The following EXD2 variants were observed in gnomAD, a reference collection of about 807,000 sequenced individuals.
The protein encoded by EXD2 is exonuclease 3'-5' domain containing 2, also known as exonuclease 3'-5' domain-containing protein 2.
EXD2 carries 40 observed loss-of-function variants against 62.5 expected under a neutral mutation model. That is an observed-to-expected ratio of 0.64 (90% CI 0.50 to 0.83). EXD2 has a LOEUF of 0.83. Ranked by LOEUF, EXD2 falls within the 40% of genes least tolerant of loss-of-function variation. EXD2 has a pLI of 0.00. For synonymous variants in EXD2, 239 were observed against 291.9 expected (o/e 0.82, Z 1.85); for missense variants, 671 against 761.8 (o/e 0.88, Z 1.40).
intron 6 of EXD2, chr14:69,235,589 C>T: frequency 7.8e-6 from 2 of 255,300 alleles, no homozygotes; most frequent in Non-Finnish European, 7.6e-6. Context: ...GTCCCTGTAG[C>T]AAAGTGCCTT....
Position 69,237,593 on chromosome 14 carries a change from T to C in EXD2, c.1311T>C (p.His437=), listed in dbSNP as rs201830689. Reference sequence around the variant, plus strand: ...GTTCCAGGAAGAACGTGATTCCACATGAGTACCGGAAGCACTTCCCCATCG... The same window carrying C: ...GTTCCAGGAAGAACGTGATTCCACACGAGTACCGGAAGCACTTCCCCATCG... ...DSYIRKNVIP[H]EYRKHFPIEM... is the part of the protein sequence containing the mutation. Residue 437 remains histidine, a synonymous_variant, in exon 9 of 10, where the codon CAT becomes CAC. Transcript: ENST00000685843. 5.0e-6 allele frequency: 8 copies of C among 1,614,192 alleles called. No homozygotes were observed. The South Asian group carries it at 6.6e-5, about 13-fold the overall frequency.
At chr14:69,200,932 G>C (rs2042376291) in intron 1 of EXD2, among the ~76,000 whole-genome samples, 1 of 151,656 alleles carries the variant, frequency 6.6e-6, no homozygotes, top group South Asian at 2.1e-4. Flanking sequence ...AAATTAACCG[G>C]GTGTGGTGGC....
chr14:69,195,907 T>C (rs1195670784), intron 1 of EXD2: 1 of 152,214 alleles, frequency 6.6e-6, no homozygotes, highest in East Asian at 1.9e-4. Context: ...TGTAGGGCTG[T>C]GGTCAAAGTA....
chr14:69,194,149 T>G (rs1340315439), intron 1 of EXD2, among the ~76,000 whole-genome samples: 1 of 151,998 alleles, frequency 6.6e-6, no homozygotes, highest in African/African-American at 2.4e-5. Flanking sequence ...ATTCTTTTTT[T>G]TTTTTTTGAG....
chr14:69,234,355 A>G (rs1309757226), intron 5 of EXD2, among the ~76,000 whole-genome samples: 1 of 152,162 alleles, frequency 6.6e-6, no homozygotes, highest in African/African-American at 2.4e-5. Flanking sequence ...TTTGTTAACT[A>G]CCCTTCCCCC....
intron 3 of EXD2, among the ~76,000 whole-genome samples, chr14:69,226,332 A>C (rs1338848416): frequency 6.6e-6 from 1 of 152,240 alleles, no homozygotes; most frequent in Non-Finnish European, 1.5e-5. Context: ...CAATGAGATC[A>C]AACTGGCATG....
chr14:69,240,784 C>T, intron 9 of EXD2, 100 bp from the exon 10 acceptor site: 1 of 990,608 alleles, frequency 1.0e-6, no homozygotes, highest in African/African-American at 1.6e-5. Context: ...AGGAGTCCTT[C>T]AACCTCCCCA....
intron 5 of EXD2, 137 bp downstream of exon 5, chr14:69,230,735 T>C: frequency 1.0e-6 from 1 of 976,674 alleles, no homozygotes; most frequent in Non-Finnish European, 1.5e-6. Context: ...CTGGTGATAC[T>C]CCAGCTAACT....
At chr14:69,229,552 C>A (rs114780250) in intron 4 of EXD2, among the ~76,000 whole-genome samples, 5,617 of 152,186 alleles carry the variant, frequency 0.037, 113 homozygotes, top group African/African-American at 0.059. Flanking sequence ...TGCCAGAGTC[C>A]CCACCACTCC....
intron 1 of EXD2, among the ~76,000 whole-genome samples, chr14:69,203,212 C>T (rs1352803174): frequency 6.6e-6 from 1 of 151,626 alleles, no homozygotes. Context: ...GTGCATGCCA[C>T]CATGCCTGGC....
chr14:69,241,396 G>A lies in EXD2; in HGVS notation c.*296G>A. On this transcript the variant is annotated 3_prime_UTR_variant, in exon 10 of 10. Coordinates refer to ENST00000685843, the MANE Select transcript of EXD2 (RefSeq NM_001193360.2). ...TGCTGTCCCTGTGCAGAGGAAAAAT[G>A]AAGAATTCTCCCAGAAGTGACTTGT... 3.0e-6 allele frequency: 1 copy of A among 330,774 alleles called. No individual in the cohort carries two copies. Among genetic ancestry groups the A allele is most frequent in the East Asian group, 5.0e-5 (1 of 19,906 alleles). The allele number at this position is 330,774 out of a possible 1,614,324, so 20.5% of individuals were successfully genotyped here. A position where few individuals can be genotyped will look rare whatever the true frequency, so the allele number is the denominator to read the frequency against.
rs771937498 is a variant in EXD2, at chr14:69,229,076, T to G, written c.590+4T>G. On this transcript the variant is annotated splice_donor_region_variant and intron_variant, in intron 4 of 9. Coordinates refer to ENST00000685843, the MANE Select transcript of EXD2 (RefSeq NM_001193360.2). Reference sequence around the variant, plus strand: ...GATACCTAGCCATGCGGCAGAGGTGTGGTTTGTATGAATGCTGGGATTCCT... The same window carrying G: ...GATACCTAGCCATGCGGCAGAGGTGGGGTTTGTATGAATGCTGGGATTCCT... The G allele has an allele frequency of 3.7e-6, 6 of 1,612,948 alleles. No individual in the cohort carries two copies. Among genetic ancestry groups the G allele is most frequent in the Admixed American group, 3.3e-5 (2 of 59,972 alleles).
At position 69,242,154 on chromosome 14, in the gene EXD2, A is replaced by G. The variant is rs938644486; in HGVS notation, c.*1054A>G. On this transcript the variant is annotated 3_prime_UTR_variant, in exon 10 of 10. Coordinates refer to ENST00000685843, the MANE Select transcript of EXD2 (RefSeq NM_001193360.2). ...GCGTTGTTTCATCTTTCAAAATGTT[A>G]GGCCATTACTTTGAGTATAAAATCG... 2.5e-6 allele frequency: 1 copy of G among 398,274 alleles called. No individual in the cohort carries two copies. The highest frequency in any genetic ancestry group is 4.4e-6 in the Non-Finnish European group (1 of 226,042). 24.7% of individuals were successfully genotyped at this position (398,274 alleles called of 1,614,324 possible).
rs2043776489 is a variant in EXD2 at position 69,236,149 on chromosome 14, G to T, written c.1153G>T (p.Gly385Cys). ...TCAGTGGTACCTGGACAAAGGCATT[G>T]GTGGTATGAGATTCAGCTGTCCTTG... ...KAQWYLDKGIGELVSEEPFVV... is the reference protein window; with the variant it reads ...KAQWYLDKGICELVSEEPFVV... Residue 385 changes from glycine to cysteine, a missense_variant, in exon 7 of 10, where the codon GGT becomes TGT. Gly to Cys is a radical substitution (Grantham distance 159). Coordinates refer to ENST00000685843, the MANE Select transcript of EXD2 (RefSeq NM_001193360.2). 2 of 1,612,700 alleles carry T rather than the reference G, an allele frequency of 1.2e-6. No homozygotes were observed. The highest frequency in any genetic ancestry group is 8.5e-7 in the Non-Finnish European group (1 of 1,178,688).
At chr14:69,195,868 T>G (rs1361510261) in intron 1 of EXD2, among the ~76,000 whole-genome samples, 1 of 152,232 alleles carries the variant, frequency 6.6e-6, no homozygotes, top group South Asian at 2.1e-4. Context: ...TATTACTGAA[T>G]GAAATTTCAT....
intron 5 of EXD2, 42 bp downstream of exon 5, chr14:69,230,640 T>C: frequency 6.3e-7 from 1 of 1,575,378 alleles, no homozygotes; most frequent in Non-Finnish European, 8.6e-7. Flanking sequence ...AAGTCATTGT[T>C]TCTGAAGTAT....
chr14:69,212,082 A>G (rs2042822595), intron 3 of EXD2, among the ~76,000 whole-genome samples: 1 of 152,214 alleles, frequency 6.6e-6, no homozygotes, highest in Non-Finnish European at 1.5e-5. Context: ...AGATGAATAG[A>G]AAACAAAAAT....
Position 69,206,452 on chromosome 14 carries a change from CCA to C in EXD2, c.-48+2454_-48+2455del, listed in dbSNP as rs1394534215. Among the ~76,000 whole-genome samples the C allele has an allele frequency of 9.0e-5, 9 of 99,574 alleles. 1 individual carries two copies. Among genetic ancestry groups the C allele is most frequent in the African/African-American group, 5.2e-4 (9 of 17,414 alleles). The allele number at this position is 99,574 out of a possible 152,430, so 65.3% of individuals were successfully genotyped here. On this transcript the variant is annotated intron_variant, in intron 2 of 9. Transcript: ENST00000685843. ...CTGCCCAGCTTCATCTCCCACCCAC[CCA>C]CTTTTTTTTTTTTTTTTTTTTTTTT...
intron 3 of EXD2, among the ~76,000 whole-genome samples, chr14:69,217,298 T>G (rs2043016995): frequency 6.6e-6 from 1 of 152,176 alleles, no homozygotes; most frequent in Admixed American, 6.6e-5. Flanking sequence ...CAAGTGATCC[T>G]TCCACCTCAG....
Sources: allele counts gnomAD v4.1 joint callset (sites outside exome capture counted in the v4.1 genomes callset), GRCh38; gene constraint gnomAD v4.1.1; transcripts MANE v1.5; gene names NCBI Gene and HGNC (gene_info 2026-07-23, HGNC 2026-07-21).